DIAPH3: variants seen among roughly 807,000 people sequenced by gnomAD.
DIAPH3 encodes diaphanous related formin 3.
DIAPH3 carries 117 observed loss-of-function variants against 144.3 expected under a neutral mutation model. The ratio of observed to expected loss-of-function variants is 0.81; its 90% CI spans 0.70 to 0.95. DIAPH3 has a LOEUF of 0.95. DIAPH3 is among the 40% of genes least tolerant of loss of function. DIAPH3 has a pLI of 0.00. For missense variants in DIAPH3, 1,421 were observed against 1,412.7 expected (o/e 1.01, Z -0.09); for synonymous variants, 519 against 488.9 (o/e 1.06, Z -0.81).
At chr13:60,077,189 C>G (rs2057407248) in intron 4 of DIAPH3, among the ~76,000 whole-genome samples, 1 of 151,544 alleles carries the variant, frequency 6.6e-6, no homozygotes, top group African/African-American at 2.4e-5. Flanking sequence ...CTGAAACAAC[C>G]TTTGTGTCCT....
At chr13:59,686,127 T>A (rs1398837373) in intron 27 of DIAPH3, among the ~76,000 whole-genome samples, 1 of 152,080 alleles carries the variant, frequency 6.6e-6, no homozygotes, top group Non-Finnish European at 1.5e-5. Context: ...GCAAATAAAA[T>A]TACATTGAAA....
intron 27 of DIAPH3, among the ~76,000 whole-genome samples, chr13:59,697,589 A>T (rs1440558767): frequency 6.6e-6 from 1 of 151,114 alleles, no homozygotes; most frequent in Non-Finnish European, 1.5e-5. Context: ...GTGGATGGTC[A>T]TTAAGTCATC....
chr13:59,706,493 AAACT>A (rs1041454827), intron 27 of DIAPH3, among the ~76,000 whole-genome samples: 13 of 152,210 alleles, frequency 8.5e-5, no homozygotes, highest in African/African-American at 1.7e-4. Context: ...AATAAAATAC[AAACT>A]AATATAAGCT....
intron 4 of DIAPH3, among the ~76,000 whole-genome samples, chr13:60,051,166 G>C (rs1020369601): frequency 6.6e-6 from 1 of 151,926 alleles, no homozygotes; most frequent in African/African-American, 2.4e-5. Context: ...TCTGTAAAGG[G>C]GAAAAAAGAA....
At chr13:59,882,967 T>G (rs2045182210) in intron 20 of DIAPH3, among the ~76,000 whole-genome samples, 2 of 152,290 alleles carry the variant, frequency 1.3e-5, no homozygotes, top group South Asian at 4.1e-4. Flanking sequence ...TTAAAAGCAG[T>G]GACTGGTAAA....
intron 17 of DIAPH3, among the ~76,000 whole-genome samples, chr13:59,960,190 T>C (rs563738928): frequency 3.0e-4 from 45 of 152,354 alleles, no homozygotes; most frequent in Non-Finnish European, 5.3e-4. Flanking sequence ...TCCTCATCTA[T>C]TACCTGTGAA....
intron 20 of DIAPH3, among the ~76,000 whole-genome samples, chr13:59,890,273 T>C (rs2045706084): frequency 6.6e-6 from 1 of 152,110 alleles, no homozygotes; most frequent in African/African-American, 2.4e-5. Context: ...TTCTGATCTT[T>C]GCCTCCTCAG....
At chr13:59,755,339 G>A (rs1041957431) in intron 27 of DIAPH3, among the ~76,000 whole-genome samples, 45 of 152,254 alleles carry the variant, frequency 3.0e-4, no homozygotes, top group African/African-American at 1.1e-3. Flanking sequence ...AAAACTTAAT[G>A]AGCACAGTCT....
chr13:60,004,530 T>C (rs2052739795), intron 9 of DIAPH3, among the ~76,000 whole-genome samples: 1 of 152,184 alleles, frequency 6.6e-6, no homozygotes, highest in African/African-American at 2.4e-5. Flanking sequence ...TTAAAAACAA[T>C]GAGAAACCTT....
intron 27 of DIAPH3, among the ~76,000 whole-genome samples, chr13:59,762,884 A>G (rs2139202253): frequency 6.6e-6 from 1 of 152,174 alleles, no homozygotes; most frequent in East Asian, 1.9e-4. Flanking sequence ...TTATTGTGAG[A>G]ATAGTTTCCT....
Position 59,985,597 on chromosome 13 carries a change from C to T in DIAPH3, c.1362-1710G>A, listed in dbSNP as rs1219322563. 3.6e-5 allele frequency among the ~76,000 whole-genome samples: 2 copies of T among 55,988 alleles called. 1 individual carries two copies. Among genetic ancestry groups the T allele is most frequent in the African/African-American group, 1.6e-4 (2 of 12,626 alleles). The allele number at this position is 55,988 out of a possible 152,430, so 36.7% of individuals were successfully genotyped here. On this transcript the variant is annotated intron_variant, in intron 12 of 27. Coordinates refer to ENST00000400324, the MANE Select transcript of DIAPH3 (RefSeq NM_001042517.2). ...CCCCATCGTCTCAGCCCAAAATCTC[C>T]TTAAGCTGATAAGCAACTTCAGCAA...
intron 27 of DIAPH3, among the ~76,000 whole-genome samples, chr13:59,681,738 A>G (rs1205877330): frequency 1.3e-5 from 2 of 152,120 alleles, no homozygotes; most frequent in Non-Finnish European, 2.9e-5. Context: ...AGAAAGTATG[A>G]TTTTTATACT....
chr13:59,943,930 G>A (rs571189003), intron 17 of DIAPH3, among the ~76,000 whole-genome samples: 2 of 152,040 alleles, frequency 1.3e-5, no homozygotes, highest in Non-Finnish European at 2.9e-5. Context: ...AGATGATGGA[G>A]GCTGGGCACG....
intron 25 of DIAPH3, among the ~76,000 whole-genome samples, chr13:59,778,337 G>A (rs143769747): frequency 4.9e-4 from 75 of 152,216 alleles, no homozygotes; most frequent in Middle Eastern, 3.4e-3. Flanking sequence ...ACTAAACCAC[G>A]AGCCCACTGA....
chr13:60,144,119 C>T (rs989241424), intron 1 of DIAPH3, among the ~76,000 whole-genome samples: 5 of 152,204 alleles, frequency 3.3e-5, no homozygotes, highest in African/African-American at 1.2e-4. Flanking sequence ...AACTTTGAAT[C>T]CCCAGCCCTA....
intron 17 of DIAPH3, among the ~76,000 whole-genome samples, chr13:59,965,247 A>G (rs2049983222): frequency 6.6e-6 from 1 of 152,176 alleles, no homozygotes; most frequent in Admixed American, 6.5e-5. Flanking sequence ...GAAATAATTT[A>G]TAAACCAATT....
intron 1 of DIAPH3, among the ~76,000 whole-genome samples, chr13:60,156,366 G>T (rs1243686886): frequency 2.0e-5 from 3 of 152,218 alleles, no homozygotes; most frequent in African/African-American, 7.2e-5. Context: ...AGTGTGGCAA[G>T]TGTGGAGTCA....
chr13:60,103,155 G>A (rs995082250), intron 3 of DIAPH3, among the ~76,000 whole-genome samples: 4 of 151,800 alleles, frequency 2.6e-5, no homozygotes, highest in Non-Finnish European at 4.4e-5. Flanking sequence ...TAGCAAAACC[G>A]AGGTGGGGGG....
intron 27 of DIAPH3, among the ~76,000 whole-genome samples, chr13:59,674,230 T>C (rs1252043713): frequency 1.3e-5 from 2 of 152,248 alleles, no homozygotes. Context: ...GGCTATTCTA[T>C]AGCTTGCAAA....
Sources: allele counts gnomAD v4.1 joint callset (sites outside exome capture counted in the v4.1 genomes callset), GRCh38; gene constraint gnomAD v4.1.1; transcripts MANE v1.5; gene names NCBI Gene and HGNC (gene_info 2026-07-23, HGNC 2026-07-21).